Variants in LRRC4C observed in about 807,000 individuals in gnomAD.
LRRC4C encodes the protein leucine-rich repeat-containing protein 4C.
Under a neutral mutation model 33.6 loss-of-function variants are expected in LRRC4C, and 5 were observed. The ratio of observed to expected loss-of-function variants is 0.15; its 90% confidence interval spans 0.08 to 0.31. LRRC4C has a LOEUF of 0.31. Among genes scored for constraint, LRRC4C ranks in the 10% least tolerant of loss-of-function variants. The probability of loss-of-function intolerance (pLI) is 1.00; values close to 1 mark genes in which losing one functional copy is unlikely to be tolerated. For synonymous variants in LRRC4C, 329 were observed against 302.0 expected, an observed-to-expected ratio of 1.09 and a Z score of -0.93; for missense variants, 560 against 796.7, an observed-to-expected ratio of 0.70 and a Z score of 3.58.
intron 1 of LRRC4C, among the ~76,000 whole-genome samples, chr11:40,966,621 T>C (rs1851383835): frequency 6.6e-6 from 1 of 152,094 alleles, no homozygotes; most frequent in Admixed American, 6.6e-5. Context: ...CTGTGCACAC[T>C]TGATGGAAGA....
At chr11:40,758,939 C>A (rs577082428) in intron 2 of LRRC4C, among the ~76,000 whole-genome samples, 4 of 151,618 alleles carry the variant, frequency 2.6e-5, no homozygotes, top group Non-Finnish European at 4.4e-5. Flanking sequence ...TCAGTAACCA[C>A]TAATAATCAA....
intron 2 of LRRC4C, among the ~76,000 whole-genome samples, chr11:40,914,213 C>A (rs1044116467): frequency 7.2e-5 from 11 of 152,130 alleles, no homozygotes; most frequent in African/African-American, 2.7e-4. Flanking sequence ...CAGCATCATC[C>A]TGATACCAAA....
At chr11:40,563,558 A>G (rs1369440462) in intron 3 of LRRC4C, among the ~76,000 whole-genome samples, 1 of 152,150 alleles carries the variant, frequency 6.6e-6, no homozygotes, top group Non-Finnish European at 1.5e-5. Context: ...TTTTTGGTAG[A>G]TGCTTCTTCG....
chr11:40,171,951 A>T (rs1055221288), intron 5 of LRRC4C, among the ~76,000 whole-genome samples: 7 of 152,138 alleles, frequency 4.6e-5, no homozygotes, highest in African/African-American at 1.7e-4. Flanking sequence ...CAGGAGGTGG[A>T]GGTTGCCGTA....
At chr11:41,139,664 G>A (rs1943416986) in intron 1 of LRRC4C, among the ~76,000 whole-genome samples, 1 of 151,936 alleles carries the variant, frequency 6.6e-6, no homozygotes, top group Admixed American at 6.6e-5. Context: ...GTTCATCCAG[G>A]AAATGCTGTG....
intron 1 of LRRC4C, among the ~76,000 whole-genome samples, chr11:41,002,379 C>T (rs961654910): frequency 6.6e-6 from 1 of 152,162 alleles, no homozygotes; most frequent in African/African-American, 2.4e-5. Context: ...CATCATCCAT[C>T]TTGCCATTGG....
intron 3 of LRRC4C, among the ~76,000 whole-genome samples, chr11:40,381,179 G>A (rs1312596358): frequency 6.7e-6 from 1 of 149,632 alleles, no homozygotes; most frequent in Non-Finnish European, 1.5e-5. Flanking sequence ...GTTGGGAAAA[G>A]TATTAACCAT....
intron 2 of LRRC4C, among the ~76,000 whole-genome samples, chr11:40,909,847 C>T (rs1956588028): frequency 6.6e-6 from 1 of 152,032 alleles, no homozygotes; most frequent in Non-Finnish European, 1.5e-5. Context: ...TAATGCTTTG[C>T]CTAAATTCAC....
At chr11:40,351,451 T>G (rs1284937422) in intron 3 of LRRC4C, 1 of 152,090 alleles carries the variant, frequency 6.6e-6, no homozygotes, top group Non-Finnish European at 1.5e-5. Flanking sequence ...TAATGTTTCT[T>G]TGTTGGTTTT....
At chr11:41,007,595 G>A (rs1854853763) in intron 1 of LRRC4C, among the ~76,000 whole-genome samples, 1 of 152,056 alleles carries the variant, frequency 6.6e-6, no homozygotes, top group South Asian at 2.1e-4. Context: ...TGGTAGCCAA[G>A]TAAGTGTCCA....
chr11:40,938,913 T>A (rs1251006552), intron 1 of LRRC4C, among the ~76,000 whole-genome samples: 1 of 152,176 alleles, frequency 6.6e-6, no homozygotes, highest in Admixed American at 6.6e-5. Context: ...ATTCCAGAGA[T>A]CTACTGAAGG....
At chr11:40,238,277 T>C in intron 5 of LRRC4C, among the ~76,000 whole-genome samples, 1 of 152,224 alleles carries the variant, frequency 6.6e-6, no homozygotes, top group Non-Finnish European at 1.5e-5. Context: ...CTCTAGCCAC[T>C]GTTTCCTGAC....
At chr11:41,206,501 G>A (rs890503547) in intron 1 of LRRC4C, among the ~76,000 whole-genome samples, 9 of 152,160 alleles carry the variant, frequency 5.9e-5, no homozygotes, top group African/African-American at 2.2e-4. Flanking sequence ...TCACCTTGAA[G>A]AGCTGTAACT....
At chr11:41,408,133 A>G (rs1291690608) in intron 1 of LRRC4C, among the ~76,000 whole-genome samples, 1 of 152,220 alleles carries the variant, frequency 6.6e-6, no homozygotes, top group Non-Finnish European at 1.5e-5. Context: ...AGGTTACAAG[A>G]TGTGTACAGG....
At position 41,446,946 on chromosome 11, in the gene LRRC4C, C is replaced by T. The variant is rs145194128; in HGVS notation, c.-496+12485G>A. ...AAAGAGCAAAGGAGTTCTGAAATCA[C>T]AAAACTAAAGCAAAAATGATGTCAT... On this transcript the variant is annotated intron_variant, in intron 1 of 6. Coordinates refer to ENST00000528697, the MANE Select transcript of LRRC4C (RefSeq NM_001258419.2). Among the ~76,000 whole-genome samples, 757 of 152,088 alleles carry T rather than the reference C, an allele frequency of 5.0e-3. 7 individuals are homozygous for T. Among genetic ancestry groups the T allele is most frequent in the African/African-American group, 0.017 (711 of 41,484 alleles).
At chr11:40,208,274 C>T (rs1424808517) in intron 5 of LRRC4C, among the ~76,000 whole-genome samples, 11 of 152,062 alleles carry the variant, frequency 7.2e-5, no homozygotes, top group African/African-American at 2.7e-4. Flanking sequence ...GAATGTTGAG[C>T]AAATTGCAAA....
At position 41,031,312 on chromosome 11, in the gene LRRC4C, C is replaced by A. The variant is rs114193226; in HGVS notation, c.-495-97589G>T. Among the ~76,000 whole-genome samples the A allele has an allele frequency of 7.3e-3, 1,113 of 152,010 alleles. 17 individuals are homozygous for A. The highest frequency in any genetic ancestry group is 0.026 in the African/African-American group (1,066 of 41,496). ...TGGACTATAGACTCTTAGGGCTGTG[C>A]CAATTCACTTCTGTATGACGAGCAC... On this transcript the variant is annotated intron_variant, in intron 1 of 6. Coordinates refer to ENST00000528697, the MANE Select transcript of LRRC4C (RefSeq NM_001258419.2).
At chr11:41,387,640 A>G (rs1953412693) in intron 1 of LRRC4C, among the ~76,000 whole-genome samples, 1 of 151,782 alleles carries the variant, frequency 6.6e-6, no homozygotes, top group Non-Finnish European at 1.5e-5. Flanking sequence ...GAAAAGTCCA[A>G]TAAATGGTTG....
intron 4 of LRRC4C, among the ~76,000 whole-genome samples, chr11:40,296,482 T>C (rs1210487781): frequency 6.6e-6 from 1 of 152,208 alleles, no homozygotes; most frequent in Non-Finnish European, 1.5e-5. Context: ...ATCTACTCAA[T>C]GCCAGTTCTT....
Sources: allele counts gnomAD v4.1 joint callset (sites outside exome capture counted in the v4.1 genomes callset), GRCh38; gene constraint gnomAD v4.1.1; transcripts MANE v1.5; gene names NCBI Gene and HGNC (gene_info 2026-07-23, HGNC 2026-07-21).